The following COL11A1 variants were observed in gnomAD, a reference collection of about 807,000 sequenced individuals.
The protein encoded by COL11A1 is collagen type XI alpha 1 chain, also known as collagen alpha-1(XI) chain.
Under a neutral mutation model 265.2 loss-of-function variants are expected in COL11A1, and 74 were observed. That is an observed-to-expected ratio of 0.28 (90% confidence interval 0.23 to 0.34). COL11A1 has a LOEUF of 0.34. Among genes scored for constraint, COL11A1 ranks in the 10% least tolerant of loss-of-function variants. The probability of loss-of-function intolerance (pLI) is 1.00; values close to 1 mark genes in which losing one functional copy is unlikely to be tolerated. For missense variants in COL11A1, 2,165 were observed against 2,263.6 expected, an observed-to-expected ratio of 0.96 and a Z score of 0.88; for synonymous variants, 816 against 727.6, an observed-to-expected ratio of 1.12 and a Z score of -1.96.
At chr1:102,917,790 T>C (rs1430295572) in intron 49 of COL11A1, among the ~76,000 whole-genome samples, 1 of 151,832 alleles carries the variant, frequency 6.6e-6, no homozygotes, top group African/African-American at 2.4e-5. Context: ...TTTCTAATGA[T>C]AAATGCTTGA....
At chr1:102,947,664 T>TA (rs1184772196) in intron 41 of COL11A1, among the ~76,000 whole-genome samples, 1 of 151,978 alleles carries the variant, frequency 6.6e-6, no homozygotes, top group South Asian at 2.1e-4. Context: ...TTTGCTTTTT[T>TA]AAAAAACCTC....
At chr1:102,898,288 T>A in intron 56 of COL11A1, 110 bp from the exon 57 acceptor site, 1 of 457,162 alleles carries the variant, frequency 2.2e-6, no homozygotes, top group Non-Finnish European at 3.3e-6. Context: ...ATATCACCCT[T>A]AAGTTCCACC....
chr1:103,017,849 T>G lies in COL11A1; in HGVS notation c.1384A>C (p.Thr462Pro). The G allele has an allele frequency of 6.2e-7, 1 of 1,613,250 alleles. No individual in the cohort carries two copies. The highest frequency in any genetic ancestry group is 1.3e-5 in the African/African-American group (1 of 75,018). ...IMGPPGLQGP[T>P]GPPGDPGDRG... ...TCGCCAGGGTCACCAGGGGGTCCAG[T>G]GGGGCCTTGTAGACCTGGAGGACCC... Residue 462 changes from threonine to proline, a missense_variant, in exon 11 of 67, where the codon ACT (threonine) becomes CCT (proline). Thr to Pro is a conservative substitution (Grantham distance 38). Transcript: ENST00000370096.
intron 30 of COL11A1, among the ~76,000 whole-genome samples, chr1:102,987,367 C>T (rs1029801135): frequency 9.4e-6 from 1 of 105,872 alleles, no homozygotes; most frequent in Admixed American, 1.2e-4. Flanking sequence ...ATAGACATTT[C>T]TTGCTTTTTT....
Position 102,893,794 on chromosome 1 carries a change from T to G in COL11A1, c.4303-3290A>C, listed in dbSNP as rs1380084382. Among the ~76,000 whole-genome samples, 4 of 152,316 alleles carry G rather than the reference T, an allele frequency of 2.6e-5. No individual in the cohort carries two copies. In the East Asian group the frequency reaches 7.7e-4, roughly 29 times the overall value. ...TAAAATTGTGGAATAATATTTAATCTGGTGAAAAGCAAATGCTTTTTTATT... is the reference window on the plus strand; with the variant it reads ...TAAAATTGTGGAATAATATTTAATCGGGTGAAAAGCAAATGCTTTTTTATT... On this transcript the variant is annotated intron_variant, in intron 57 of 66. Transcript: ENST00000370096.
rs1169961906 is a variant in COL11A1 at position 102,940,504 on chromosome 1, T to G, written c.3277-70A>C. On this transcript the variant is annotated intron_variant, in intron 42 of 66. Transcript: ENST00000370096. ...GCAGCTACAAGAGTAATAATCTAGC[T>G]TCTATATTTGACAAGGATATTGTTT... The G allele has an allele frequency of 5.4e-6, 6 of 1,114,354 alleles. No homozygotes were observed. The African/African-American group carries it at 9.3e-5, about 17-fold the overall frequency. 69.0% of individuals were successfully genotyped at this position (1,114,354 alleles called of 1,614,324 possible).
chr1:102,976,901 A>C (rs1388047067), intron 35 of COL11A1, among the ~76,000 whole-genome samples: 1 of 152,122 alleles, frequency 6.6e-6, no homozygotes, highest in Non-Finnish European at 1.5e-5. Context: ...TAAAAGATAT[A>C]TTTAACCTTT....
chr1:102,913,222 A>C (rs891290455), intron 53 of COL11A1, among the ~76,000 whole-genome samples: 2 of 152,172 alleles, frequency 1.3e-5, no homozygotes, highest in African/African-American at 2.4e-5. Context: ...TTTTTTTAAA[A>C]AGGCCTATAC....
At position 102,913,810 on chromosome 1, in the gene COL11A1, A is replaced by AATC. The variant is rs1570711175; in HGVS notation, c.3979-123_3979-121dup. 3.3e-6 allele frequency: 3 copies of AATC among 919,090 alleles called. No homozygotes were observed. In the East Asian group the frequency reaches 7.3e-5, roughly 22 times the overall value. 56.9% of individuals were successfully genotyped at this position (919,090 alleles called of 1,614,324 possible). A position where few individuals can be genotyped will look rare whatever the true frequency, so the allele number is the denominator to read the frequency against. ...GAAAAATTATCAGATGGACAAGTAA[A>AATC]ATCATTATATTCTTTTAACCTTTTT... On this transcript the variant is annotated intron_variant, in intron 52 of 66. Transcript: ENST00000370096.
At chr1:103,099,111 G>A (rs544134811) in intron 1 of COL11A1, among the ~76,000 whole-genome samples, 1 of 151,696 alleles carries the variant, frequency 6.6e-6, no homozygotes. Flanking sequence ...TTCTGTTCTA[G>A]ATGCTTTCTG....
chr1:103,091,709 C>T (rs1454171873), intron 1 of COL11A1, among the ~76,000 whole-genome samples: 1 of 151,914 alleles, frequency 6.6e-6, no homozygotes, highest in African/African-American at 2.4e-5. Flanking sequence ...TATATTTCTC[C>T]ACATATACAC....
At chr1:102,891,422 A>T (rs917271179) in intron 57 of COL11A1, among the ~76,000 whole-genome samples, 11 of 151,960 alleles carry the variant, frequency 7.2e-5, no homozygotes, top group Non-Finnish European at 1.2e-4. Context: ...TATTTCAATA[A>T]TTTAACGTTT....
At chr1:103,040,463 T>C (rs754373028) in intron 4 of COL11A1, among the ~76,000 whole-genome samples, 3 of 151,666 alleles carry the variant, frequency 2.0e-5, no homozygotes, top group Non-Finnish European at 4.4e-5. Context: ...TAGTTCCTTG[T>C]TGATTTAAGG....
At chr1:103,001,342 A>G (rs923429544) in intron 24 of COL11A1, 1 of 396,112 alleles carries the variant, frequency 2.5e-6, no homozygotes, top group Non-Finnish European at 4.4e-6. Flanking sequence ...GAAAGAAAAA[A>G]GGTGTTGGAA....
chr1:103,040,961 A>T (rs1018118130), intron 4 of COL11A1, among the ~76,000 whole-genome samples: 2 of 151,800 alleles, frequency 1.3e-5, no homozygotes, highest in Non-Finnish European at 2.9e-5. Context: ...ATTATTAATG[A>T]TAAATTCTTA....
intron 4 of COL11A1, among the ~76,000 whole-genome samples, chr1:103,056,289 A>C (rs946418627): frequency 4.6e-5 from 7 of 152,206 alleles, no homozygotes; most frequent in East Asian, 1.9e-4. Flanking sequence ...ACCTCAGGCT[A>C]TCTCCAGAAT....
intron 1 of COL11A1, among the ~76,000 whole-genome samples, chr1:103,087,136 A>C (rs1672939369): frequency 6.6e-6 from 1 of 152,236 alleles, no homozygotes; most frequent in Non-Finnish European, 1.5e-5. Context: ...TATTCAAAGC[A>C]ATTCTTAAAT....
At chr1:103,008,305 GT>G (rs1323991370) in intron 15 of COL11A1, among the ~76,000 whole-genome samples, 157 bp downstream of exon 15, 3 of 151,882 alleles carry the variant, frequency 2.0e-5, no homozygotes, top group Non-Finnish European at 4.4e-5. Flanking sequence ...ATCGTAATCA[GT>G]TTTCTCTGAA....
At chr1:102,944,723 A>G (rs761305678) in intron 42 of COL11A1, among the ~76,000 whole-genome samples, 2 of 152,132 alleles carry the variant, frequency 1.3e-5, no homozygotes, top group Non-Finnish European at 2.9e-5. Flanking sequence ...TCCACTTTAA[A>G]ATCTACCATT....
Sources: gnomAD v4.1 joint callset for allele counts (sites outside exome capture counted in the v4.1 genomes callset) on GRCh38, gnomAD v4.1.1 for gene constraint, MANE v1.5 for transcripts, NCBI Gene and HGNC (gene_info 2026-07-23, HGNC 2026-07-21) for gene names.